EXOC3L2: variants seen among roughly 807,000 people sequenced by gnomAD.
EXOC3L2 encodes exocyst complex component 3 like 2, also known as exocyst complex component 3-like protein 2.
In EXOC3L2, 17 loss-of-function variants were observed where a neutral mutation model predicts 44.4. The ratio of observed to expected loss-of-function variants is 0.38; its 90% CI spans 0.26 to 0.57. The LOEUF (loss-of-function observed/expected upper bound fraction) is 0.57. Ranked by LOEUF, EXOC3L2 falls within the 20% of genes least tolerant of loss-of-function variation. The probability of loss-of-function intolerance (pLI) is 0.65; values close to 1 mark genes in which losing one functional copy is unlikely to be tolerated. For missense variants in EXOC3L2, 541 were observed against 588.4 expected (o/e 0.92, Z 0.83); for synonymous variants, 256 against 253.7 (o/e 1.01, Z -0.09).
At chr19:45,225,023 T>TG in intron 7 of EXOC3L2, 110 bp from the exon 8 acceptor site, 1 of 1,242,980 alleles carries the variant, frequency 8.0e-7, no homozygotes, top group Non-Finnish European at 1.0e-6. Flanking sequence ...ACAGGTCAGA[T>TG]GGGGGGCTGA....
chr19:45,231,932 A>C (rs749686468), intron 3 of EXOC3L2, 58 bp from the exon 4 acceptor site: 1 of 1,142,850 alleles, frequency 8.8e-7, no homozygotes, highest in Non-Finnish European at 1.3e-6. Context: ...GGCAGTTGGA[A>C]CCTTCCCCAC....
In EXOC3L2 at chr19:45,217,756, C is replaced by T. The variant is rs549454046; in HGVS notation, c.1843-73G>A. 5.1e-6 allele frequency: 7 copies of T among 1,370,954 alleles called. No individual in the cohort carries two copies. The South Asian group carries it at 1.2e-4, about 23-fold the overall frequency. The allele number at this position is 1,370,954 out of a possible 1,614,324, so 84.9% of individuals were successfully genotyped here. A position where few individuals can be genotyped will look rare whatever the true frequency, so the allele number is the denominator to read the frequency against. ...GACTCCCATCCCGCCAGTCTGAAGGCCACCCCCGCCCCACTCGCCCACATC... is the reference window on the plus strand; with the variant it reads ...GACTCCCATCCCGCCAGTCTGAAGGTCACCCCCGCCCCACTCGCCCACATC... On this transcript the variant is annotated intron_variant, in intron 9 of 11. Transcript: ENST00000413988.
chr19:45,240,799 G>C (rs1397179728), intron 1 of EXOC3L2, among the ~76,000 whole-genome samples: 1 of 152,188 alleles, frequency 6.6e-6, no homozygotes, highest in Non-Finnish European at 1.5e-5. Flanking sequence ...AGCTACTCGG[G>C]AGGCTGAGGC....
At chr19:45,228,600 C>T (rs346769) in intron 4 of EXOC3L2, among the ~76,000 whole-genome samples, 4,833 of 152,124 alleles carry the variant, frequency 0.032, 223 homozygotes, top group African/African-American at 0.11. Flanking sequence ...GGAGAAACCC[C>T]GTCTCTACTA....
At position 45,228,278 on chromosome 19, in the gene EXOC3L2, A is replaced by AGAGGG. The variant is rs765773542; in HGVS notation, c.1270-17_1270-13dup. 33 of 1,612,882 alleles carry AGAGGG rather than the reference A, an allele frequency of 2.0e-5. No homozygotes were observed. The African/African-American group carries it at 4.1e-4, about 20-fold the overall frequency. On this transcript the variant is annotated splice_polypyrimidine_tract_variant and intron_variant, in intron 4 of 11. Transcript: ENST00000413988. Reference sequence around the variant, plus strand: ...GCCCGGGTCTGAGCCTACAGTAGGGAGAGGGGAGACAGGCAGGAGTTGGGG... The same window carrying AGAGGG: ...GCCCGGGTCTGAGCCTACAGTAGGGAGAGGGGAGGGGAGACAGGCAGGAGTTGGGG...
chr19:45,234,594 T>A lies in EXOC3L2; in HGVS notation c.756A>T (p.Gly252=), dbSNP rs952670756. Residue 252 remains glycine, a synonymous_variant, in exon 3 of 12, where the codon GGA becomes GGT. Transcript: ENST00000413988. The surrounding 1 kb of genome is among the most constrained non-coding windows in gnomAD (Gnocchi z 5.0). ...VRETLAGPGP[G]ACAGAGAVAQ... ...CCACCGCGCCAGCCCCGGCGCACGC[T>A]CCCGGCCCGGGGCCCGCCAGCGTCT... is the stretch of plus-strand genomic sequence containing the variant. 7.0e-6 allele frequency: 2 copies of A among 286,006 alleles called. No homozygotes were observed. Among genetic ancestry groups the A allele is most frequent in the Non-Finnish European group, 1.3e-5 (2 of 153,352 alleles). 17.7% of individuals were successfully genotyped at this position (286,006 alleles called of 1,614,324 possible).
intron 1 of EXOC3L2, among the ~76,000 whole-genome samples, chr19:45,240,967 G>C (rs565185994): frequency 1.3e-5 from 2 of 152,140 alleles, no homozygotes; most frequent in African/African-American, 4.8e-5. Flanking sequence ...CTGTGCAGGC[G>C]TTAGGGACAC....
rs897831290 is a variant in EXOC3L2 at position 45,212,950 on chromosome 19, AG to A, written c.*118del. The A allele has an allele frequency of 4.2e-6, 5 of 1,183,910 alleles. No individual in the cohort carries two copies. The African/African-American group carries it at 6.4e-5, about 15-fold the overall frequency. 73.3% of individuals were successfully genotyped at this position (1,183,910 alleles called of 1,614,324 possible). ...TTGGGGTTGGGTGAAAAGACATCTA[AG>A]GGTCTTTCTATCCCAGGGGTGTGTG... On this transcript the variant is annotated 3_prime_UTR_variant, in exon 12 of 12. Transcript: ENST00000413988.
chr19:45,227,932 C>T, intron 6 of EXOC3L2, 42 bp downstream of exon 6: 3 of 1,595,960 alleles, frequency 1.9e-6, no homozygotes, highest in Non-Finnish European at 2.6e-6. Context: ...CCCTGATGCC[C>T]AACCCCCAGC....
intron 9 of EXOC3L2, 39 bp downstream of exon 9, chr19:45,218,158 T>TGGGCC: frequency 9.7e-7 from 1 of 1,034,900 alleles, no homozygotes; most frequent in Non-Finnish European, 1.3e-6. Context: ...TCCCCTCTTT[T>TGGGCC]CCCCCACCCC....
intron 8 of EXOC3L2, among the ~76,000 whole-genome samples, chr19:45,222,194 T>C (rs1371608490): frequency 1.3e-5 from 2 of 149,968 alleles, no homozygotes; most frequent in African/African-American, 2.5e-5. Flanking sequence ...CTGGTTGTTT[T>C]TCTCTCCTTT....
At position 45,217,681 on chromosome 19, in the gene EXOC3L2, C is replaced by T. The variant is rs1186749027; in HGVS notation, c.1845G>A (p.Ala615=). 2 of 1,398,468 alleles carry T rather than the reference C, an allele frequency of 1.4e-6. No homozygotes were observed. Among genetic ancestry groups the T allele is most frequent in the Non-Finnish European group, 9.2e-7 (1 of 1,084,196 alleles). The allele number at this position is 1,398,468 out of a possible 1,614,324, so 86.6% of individuals were successfully genotyped here. ...LRRMQDEPYQ[A]LVAELHRRAL... ...CCCGCCGGTGTAGCTCGGCTACCAG[C>T]GCCTGGAGGCGGAGGAGGGAAACCC... Residue 615 remains alanine, a splice_region_variant and synonymous_variant, in exon 10 of 12, where the codon GCG becomes GCA. Transcript: ENST00000413988.
rs1280181184 is a variant in EXOC3L2 at position 45,224,874 on chromosome 19, T to G, written c.1623A>C (p.Glu541Asp). 1.3e-5 allele frequency: 21 copies of G among 1,573,648 alleles called. No homozygotes were observed. The highest frequency in any genetic ancestry group is 1.8e-5 in the Non-Finnish European group (21 of 1,158,012). The change falls in exon 8 of 12, where the codon GAA (glutamate) becomes GAC (aspartate). Residue 541 changes from glutamate (E) to aspartate (D), a missense_variant. Coordinates refer to ENST00000413988, the MANE Select transcript of EXOC3L2 (RefSeq NM_001382422.1). ...AERLARVGPP[E>D]SEPAREASAS... ...CAGATGCTTCCCGGGCCGGCTCGCT[T>G]TCTGGGGGCCCCACCCGGGCCAGGC...
intron 4 of EXOC3L2, among the ~76,000 whole-genome samples, chr19:45,230,211 T>TTTTTG (rs1026602446): frequency 5.9e-5 from 9 of 151,658 alleles, no homozygotes; most frequent in Non-Finnish European, 8.8e-5. Context: ...TTACAAAACA[T>TTTTTG]TTTTGTTTTG....
chr19:45,233,584 T>G (rs1254637479), intron 3 of EXOC3L2, among the ~76,000 whole-genome samples: 1 of 152,118 alleles, frequency 6.6e-6, no homozygotes, highest in Non-Finnish European at 1.5e-5. Context: ...GTTCTTGGAC[T>G]GGTGGGCCCA....
At chr19:45,242,639 A>G (rs1193928899) in intron 1 of EXOC3L2, among the ~76,000 whole-genome samples, 4 of 152,012 alleles carry the variant, frequency 2.6e-5, no homozygotes. Flanking sequence ...AGGAGGGAGG[A>G]TCACCTGAGG....
At position 45,222,601 on chromosome 19, in the gene EXOC3L2, T is replaced by G. The variant is rs140642053; in HGVS notation, c.1719+2177A>C. Reference sequence around the variant, plus strand: ...ATCTTGTTTTCTCAGTCTCTCCCTGTTTCTTTTGCTTCTGCTCTCTCTGTC... The same window carrying G: ...ATCTTGTTTTCTCAGTCTCTCCCTGGTTCTTTTGCTTCTGCTCTCTCTGTC... On this transcript the variant is annotated intron_variant, in intron 8 of 11. Coordinates refer to ENST00000413988, the MANE Select transcript of EXOC3L2 (RefSeq NM_001382422.1). 9.8e-5 allele frequency among the ~76,000 whole-genome samples: 15 copies of G among 152,294 alleles called. No homozygotes were observed. The East Asian group carries it at 2.9e-3, about 29-fold the overall frequency.
intron 4 of EXOC3L2, among the ~76,000 whole-genome samples, chr19:45,229,931 AATATGT>A (rs1209010064): frequency 6.7e-6 from 1 of 149,060 alleles, no homozygotes; most frequent in Non-Finnish European, 1.5e-5. Context: ...TTTATATGTT[AATATGT>A]ATACACAAAT....
chr19:45,234,784 C>G lies in EXOC3L2; in HGVS notation c.566G>C (p.Arg189Pro), dbSNP rs1398968740. ...LSLIQQRELA[R>P]ADEHILELEA... ...TAGCTCCAGGATGTGCTCGTCCGCACGCGCTAGTTCGCGCTGCTGGATCAG... is the reference window on the plus strand; with the variant it reads ...TAGCTCCAGGATGTGCTCGTCCGCAGGCGCTAGTTCGCGCTGCTGGATCAG... Residue 189 changes from arginine to proline, a missense_variant, in exon 3 of 12, where the codon CGT becomes CCT. By Grantham distance (103) the Arg-to-Pro change is moderately radical. Transcript: ENST00000413988. This position sits in a 1 kb window ranked among gnomAD's most constrained non-coding sequence, Gnocchi z 5.0. 5.0e-6 allele frequency: 2 copies of G among 396,252 alleles called. No individual in the cohort carries two copies. Among genetic ancestry groups the G allele is most frequent in the Non-Finnish European group, 8.9e-6 (2 of 224,500 alleles). The allele number at this position is 396,252 out of a possible 1,614,324, so 24.5% of individuals were successfully genotyped here.
Sources: allele counts gnomAD v4.1 joint callset (sites outside exome capture counted in the v4.1 genomes callset), GRCh38; gene constraint gnomAD v4.1.1; non-coding constraint Gnocchi (gnomAD v3.1); transcripts MANE v1.5; gene names NCBI Gene and HGNC (gene_info 2026-07-23, HGNC 2026-07-21).